Variants in ACACA observed in about 807,000 individuals in gnomAD.
ACACA encodes the protein acetyl-CoA carboxylase alpha.
In ACACA, 103 loss-of-function variants were observed where a neutral mutation model predicts 296.1. That is an observed-to-expected ratio of 0.35 (90% CI 0.30 to 0.41). ACACA has a LOEUF of 0.41. Ranked by LOEUF, ACACA falls within the 10% of genes least tolerant of loss-of-function variation. ACACA has a pLI of 1.00. For synonymous variants in ACACA, 953 were observed against 1,038.6 expected, an observed-to-expected ratio of 0.92 and a Z score of 1.58; for missense variants, 1,554 against 2,989.7, an observed-to-expected ratio of 0.52 and a Z score of 11.20.
intron 51 of ACACA, among the ~76,000 whole-genome samples, chr17:37,112,245 C>T (rs1039461073): frequency 9.9e-5 from 15 of 152,058 alleles, no homozygotes; most frequent in African/African-American, 3.6e-4. Flanking sequence ...GTTCAGTCCC[C>T]AGAAACTTTA....
At chr17:37,317,907 C>T (rs1432301588) in intron 3 of ACACA, among the ~76,000 whole-genome samples, 1 of 152,118 alleles carries the variant, frequency 6.6e-6, no homozygotes, top group African/African-American at 2.4e-5. Context: ...AAACTAGTTC[C>T]CTCAGCAAAG....
At chr17:37,141,044 C>T (rs939146907) in intron 45 of ACACA, 6 of 422,562 alleles carry the variant, frequency 1.4e-5, no homozygotes, top group African/African-American at 1.2e-4. Flanking sequence ...GTGGCCACCT[C>T]CCTGAAGTAC....
chr17:37,218,594 A>G (rs979172825), intron 29 of ACACA, among the ~76,000 whole-genome samples: 14 of 152,312 alleles, frequency 9.2e-5, no homozygotes, highest in African/African-American at 3.4e-4. Flanking sequence ...CTCTAATCCA[A>G]AATGAATCGG....
rs765000699 is a variant in ACACA at position 37,087,108 on chromosome 17, T to C, written c.*208A>G. The C allele has an allele frequency of 1.9e-4, 126 of 670,048 alleles. No individual in the cohort carries two copies. Among genetic ancestry groups the C allele is most frequent in the Middle Eastern group, 4.1e-4 (1 of 2,444 alleles). 41.5% of individuals were successfully genotyped at this position (670,048 alleles called of 1,614,324 possible). On this transcript the variant is annotated 3_prime_UTR_variant, in exon 56 of 56. Transcript: ENST00000616317. ...CCTGGCCAGGGTAATAAATACTGAA[T>C]GGGGTAGGTGTGACTGGTGGGCTGG... is the stretch of plus-strand genomic sequence containing the variant.
intron 3 of ACACA, chr17:37,328,584 C>A: frequency 3.8e-6 from 1 of 262,016 alleles, no homozygotes; most frequent in Non-Finnish European, 7.1e-6. Context: ...CGAACACTGC[C>A]TAGTCTCTCA....
intron 7 of ACACA, 42 bp from the exon 8 acceptor site, chr17:37,276,091 G>T: frequency 6.7e-7 from 1 of 1,484,750 alleles, no homozygotes; most frequent in Non-Finnish European, 9.4e-7. Context: ...GTAACACCTT[G>T]GCCTCATTTC....
intron 47 of ACACA, 52 bp downstream of exon 47, chr17:37,129,313 A>G: frequency 6.2e-6 from 10 of 1,609,780 alleles, no homozygotes; most frequent in Non-Finnish European, 8.5e-6. Context: ...ATTGAAAAGA[A>G]CGCTAAAAGC....
At chr17:37,109,652 T>G (rs553905713) in intron 52 of ACACA, among the ~76,000 whole-genome samples, 3 of 152,360 alleles carry the variant, frequency 2.0e-5, no homozygotes, top group Admixed American at 1.3e-4. Context: ...ATTAAACGGC[T>G]ATCACTTGGG....
At chr17:37,238,990 C>A (rs2080256715) in intron 24 of ACACA, among the ~76,000 whole-genome samples, 1 of 151,984 alleles carries the variant, frequency 6.6e-6, no homozygotes, top group East Asian at 1.9e-4. Flanking sequence ...TCATGCCTGG[C>A]TAATTGTTTT....
chr17:37,209,535 G>A (rs931945758), intron 30 of ACACA, among the ~76,000 whole-genome samples: 12 of 152,230 alleles, frequency 7.9e-5, no homozygotes, highest in Non-Finnish European at 1.5e-4. Flanking sequence ...AAGGCAGGCA[G>A]GAATGAGCCA....
At chr17:37,277,860 G>A (rs2082345509) in intron 6 of ACACA, 36 bp downstream of exon 6, 2 of 1,518,954 alleles carry the variant, frequency 1.3e-6, no homozygotes, top group Non-Finnish European at 1.8e-6. Context: ...TAAAATGGCT[G>A]AATTTGGTTT....
chr17:37,299,665 T>C (rs994188410), intron 3 of ACACA: 3 of 1,087,064 alleles, frequency 2.8e-6, no homozygotes, highest in Non-Finnish European at 3.4e-6. Context: ...AACTAGAAAG[T>C]AGATCTTAGC....
chr17:37,205,951 G>T, intron 32 of ACACA, 79 bp from the exon 33 acceptor site: 1 of 1,232,812 alleles, frequency 8.1e-7, no homozygotes, highest in Non-Finnish European at 1.2e-6. Context: ...ATATTTGGTA[G>T]AATACCTGAA....
At chr17:37,192,795 A>C (rs760525040) in intron 36 of ACACA, among the ~76,000 whole-genome samples, 4 of 152,132 alleles carry the variant, frequency 2.6e-5, no homozygotes, top group Non-Finnish European at 5.9e-5. Flanking sequence ...AATTAAAGAG[A>C]TATTTGGCTT....
rs372006817 is a variant in ACACA, at chr17:37,271,484, C to A, written c.1009-623G>T. On this transcript the variant is annotated intron_variant, in intron 9 of 55. Coordinates refer to ENST00000616317, the MANE Select transcript of ACACA (RefSeq NM_198834.3). ...GAGCCAAGATCACGCCATTGCACTC[C>A]AGCCTGGGCAACAAGAGCGAAACTC... 5.3e-5 allele frequency among the ~76,000 whole-genome samples: 8 copies of A among 152,038 alleles called. No individual in the cohort carries two copies. In the South Asian group the frequency reaches 1.7e-3, roughly 32 times the overall value.
chr17:37,202,668 CATATATATATAT>C (rs1179497445), intron 33 of ACACA, among the ~76,000 whole-genome samples: 3 of 71,194 alleles, frequency 4.2e-5, no homozygotes, highest in African/African-American at 1.5e-4. Flanking sequence ...CCTTTTCTTT[CATATATATATAT>C]ATATATATAT....
At chr17:37,359,075 G>T (rs933696825) in intron 1 of ACACA, 52 of 985,790 alleles carry the variant, frequency 5.3e-5, no homozygotes, top group Admixed American at 2.5e-4. Flanking sequence ...AGGAGACGCC[G>T]GCGGCTCGGG....
chr17:37,166,023 T>C (rs1050590248), intron 41 of ACACA, among the ~76,000 whole-genome samples: 5 of 152,206 alleles, frequency 3.3e-5, no homozygotes, highest in African/African-American at 1.2e-4. Flanking sequence ...GGATTGCTTT[T>C]GGCTTACCAT....
chr17:37,129,373 G>A lies in ACACA; in HGVS notation c.5936C>T (p.Pro1979Leu), dbSNP rs140706026. The change falls in exon 47 of 56, where the codon CCT becomes CTT. Residue 1979 changes from proline to leucine, a missense_variant. Around this residue, in one of 16 missense-constraint regions of ACACA, gnomAD observed 553 missense variants for 1,043.6 expected, o/e 0.53. Coordinates refer to ENST00000616317, the MANE Select transcript of ACACA (RefSeq NM_198834.3). The part of the protein sequence containing the change: ...YDPRWMLAGR[P>L]HPTQKGQWLS... ...CTCAAACATATACATACTTGGGTGA[G>A]GACGGCCTGCTAGCATCCATCGAGG... 4.3e-6 allele frequency: 7 copies of A among 1,613,946 alleles called. No individual in the cohort carries two copies. The highest frequency in any genetic ancestry group is 1.6e-4 in the Middle Eastern group (1 of 6,082).
Sources: gnomAD v4.1 joint callset for allele counts (sites outside exome capture counted in the v4.1 genomes callset) on GRCh38, gnomAD v4.1.1 for gene constraint, gnomAD v4.1.1 regional missense constraint, MANE v1.5 for transcripts, NCBI Gene and HGNC (gene_info 2026-07-23, HGNC 2026-07-21) for gene names.